The following MAML1 variants were observed in gnomAD, a reference collection of about 807,000 sequenced individuals.
MAML1 encodes mastermind like transcriptional coactivator 1.
MAML1 carries 14 observed loss-of-function variants against 77.1 expected under a neutral mutation model. The observed-to-expected ratio is 0.18, with a 90% CI of 0.12 to 0.28. The LOEUF (loss-of-function observed/expected upper bound fraction) is 0.28, where lower values mean the gene tolerates loss of function less well. MAML1 is among the 10% of genes least tolerant of loss of function. The probability of loss-of-function intolerance (pLI) is 1.00; values close to 1 mark genes in which losing one functional copy is unlikely to be tolerated. For missense variants in MAML1, 1,217 were observed against 1,327.8 expected (o/e 0.92, Z 1.30); for synonymous variants, 516 against 551.9 (o/e 0.93, Z 0.91).
chr5:179,739,009 G>C (rs1779226662), intron 1 of MAML1, among the ~76,000 whole-genome samples: 1 of 151,992 alleles, frequency 6.6e-6, no homozygotes, highest in Non-Finnish European at 1.5e-5. Context: ...CCTCTCTTCT[G>C]ATTTCCTTTT....
chr5:179,758,605 G>T (rs1017861138), intron 1 of MAML1, among the ~76,000 whole-genome samples: 9 of 151,862 alleles, frequency 5.9e-5, no homozygotes, highest in Non-Finnish European at 1.2e-4. Context: ...GCCCAGGCTG[G>T]TCTTGAACTC....
chr5:179,776,395 A>G lies in MAML1; in HGVS notation c.*1518A>G. 1 of 985,750 alleles carries G rather than the reference A, an allele frequency of 1.0e-6. No homozygotes were observed. The highest frequency in any genetic ancestry group is 1.2e-6 in the Non-Finnish European group (1 of 829,918). The allele number at this position is 985,750 out of a possible 1,614,324, so 61.1% of individuals were successfully genotyped here. On this transcript the variant is annotated 3_prime_UTR_variant, in exon 5 of 5. Coordinates refer to ENST00000292599, the MANE Select transcript of MAML1 (RefSeq NM_014757.5). Reference sequence around the variant, plus strand: ...AGAGGTTGTACACACATTGGTAGTTATTTTGCACCAGCAGTGCCTTTCTCA... The same window carrying G: ...AGAGGTTGTACACACATTGGTAGTTGTTTTGCACCAGCAGTGCCTTTCTCA...
chr5:179,770,338 C>CT (rs1460920600), intron 3 of MAML1, among the ~76,000 whole-genome samples: 4 of 152,154 alleles, frequency 2.6e-5, no homozygotes, highest in Admixed American at 1.3e-4. Context: ...GTCCCAGCTA[C>CT]TCGGGAGGCC....
intron 1 of MAML1, among the ~76,000 whole-genome samples, chr5:179,736,848 C>G (rs537125621): frequency 6.6e-6 from 1 of 151,826 alleles, no homozygotes; most frequent in East Asian, 1.9e-4. Flanking sequence ...GTGGTCCCAG[C>G]TACACGGGAG....
chr5:179,747,549 G>C (rs988892432), intron 1 of MAML1, among the ~76,000 whole-genome samples: 4 of 152,218 alleles, frequency 2.6e-5, no homozygotes, highest in African/African-American at 9.6e-5. Flanking sequence ...GGTGGCTCAT[G>C]CCTGTAATCC....
intron 1 of MAML1, among the ~76,000 whole-genome samples, chr5:179,748,577 GAAT>G (rs1779426785): frequency 6.6e-6 from 1 of 152,138 alleles, no homozygotes; most frequent in Admixed American, 6.6e-5. Flanking sequence ...TCCGACATCC[GAAT>G]AATAGGAATT....
intron 1 of MAML1, among the ~76,000 whole-genome samples, chr5:179,740,322 G>C (rs1482672799): frequency 6.6e-6 from 1 of 152,188 alleles, no homozygotes; most frequent in Non-Finnish European, 1.5e-5. Context: ...CCAGTCTGGA[G>C]TGCAGGGGCG....
intron 1 of MAML1, among the ~76,000 whole-genome samples, chr5:179,750,086 C>T (rs1779457529): frequency 6.6e-6 from 1 of 152,250 alleles, no homozygotes; most frequent in Non-Finnish European, 1.5e-5. Context: ...GCTGCCCTCT[C>T]CTTGCACTGC....
chr5:179,753,664 T>A (rs1248118386), intron 1 of MAML1, among the ~76,000 whole-genome samples: 2,272 of 138,512 alleles, frequency 0.016, 61 homozygotes, highest in African/African-American at 0.049. Context: ...ATTTTTTTTT[T>A]TTTTTTTTTT....
At chr5:179,767,234 T>C (rs1228599795) in intron 2 of MAML1, among the ~76,000 whole-genome samples, 1 of 152,104 alleles carries the variant, frequency 6.6e-6, no homozygotes, top group Non-Finnish European at 1.5e-5. Context: ...ATCATGGTTC[T>C]AAAGCCCGGT....
At chr5:179,753,648 A>ATT (rs1463291620) in intron 1 of MAML1, among the ~76,000 whole-genome samples, 742 of 37,800 alleles carry the variant, frequency 0.02, 1 homozygote, top group Non-Finnish European at 0.029. Context: ...TTTTATTATT[A>ATT]TTATTATTTT....
chr5:179,738,709 T>G (rs974654666), intron 1 of MAML1, among the ~76,000 whole-genome samples: 5 of 152,230 alleles, frequency 3.3e-5, no homozygotes, highest in Admixed American at 3.3e-4. Flanking sequence ...GTAATATGCC[T>G]TCTACCTCTT....
chr5:179,773,792 C>G (rs1348651384), intron 4 of MAML1, 103 bp from the exon 5 acceptor site: 9 of 1,510,782 alleles, frequency 6.0e-6, no homozygotes, highest in Non-Finnish European at 7.9e-6. Context: ...GGGCCCTCTT[C>G]CCAGTGTGCC....
chr5:179,733,407 G>A lies in MAML1; in HGVS notation c.295G>A (p.Glu99Lys), dbSNP rs770524065. Reference sequence around the variant, plus strand: ...GCGCCTGGACGCCGCTGACGGCCCCGAGCACGGCCGCCCGGCCACGGTGAG... The same window carrying A: ...GCGCCTGGACGCCGCTGACGGCCCCAAGCACGGCCGCCCGGCCACGGTGAG... Reference protein sequence around the residue: ...APRLDAADGPEHGRPATHLHD... With the variant: ...APRLDAADGPKHGRPATHLHD... The change falls in exon 1 of 5, where the codon GAG (glutamate) becomes AAG (lysine). Residue 99 changes from glutamate to lysine, a missense_variant. Transcript: ENST00000292599. The A allele has an allele frequency of 3.6e-6, 4 of 1,119,134 alleles. No homozygotes were observed. In the East Asian group the frequency reaches 2.1e-4, roughly 60 times the overall value. 69.3% of individuals were successfully genotyped at this position (1,119,134 alleles called of 1,614,324 possible).
chr5:179,762,844 A>C (rs952524896), intron 1 of MAML1, among the ~76,000 whole-genome samples: 1 of 152,192 alleles, frequency 6.6e-6, no homozygotes, highest in Non-Finnish European at 1.5e-5. Flanking sequence ...ATCCCCGTCT[A>C]CGTTATTCCA....
At position 179,737,817 on chromosome 5, in the gene MAML1, C is replaced by CT. The variant is rs542560281; in HGVS notation, c.315+4396dup. 3.4e-3 allele frequency among the ~76,000 whole-genome samples: 519 copies of CT among 152,202 alleles called. 4 individuals carry two copies. The highest frequency in any genetic ancestry group is 0.012 in the African/African-American group (487 of 41,492). Reference sequence around the variant, plus strand: ...GTCTATTAGGTTTTCATTTCTTTTCCTTTTTTCTTGAAACAGGGTCTGGCT... The same window carrying CT: ...GTCTATTAGGTTTTCATTTCTTTTCCTTTTTTTCTTGAAACAGGGTCTGGCT... On this transcript the variant is annotated intron_variant, in intron 1 of 4. Transcript: ENST00000292599.
chr5:179,773,803 G>T, intron 4 of MAML1, 92 bp from the exon 5 acceptor site: 7 of 1,520,154 alleles, frequency 4.6e-6, no homozygotes, highest in Non-Finnish European at 4.4e-6. Flanking sequence ...CCAGTGTGCC[G>T]TGAACGTGAG....
chr5:179,766,143 C>T lies in MAML1; in HGVS notation c.1133C>T (p.Ala378Val), dbSNP rs1441353970. 6.4e-7 allele frequency: 1 copy of T among 1,574,728 alleles called. No individual in the cohort carries two copies. The highest frequency in any genetic ancestry group is 8.6e-7 in the Non-Finnish European group (1 of 1,161,852). The change falls in exon 2 of 5, where the codon GCA becomes GTA. Residue 378 changes from alanine to valine, a missense_variant. By Grantham distance (64) the Ala-to-Val change is moderately conservative. Transcript: ENST00000292599. The surrounding 1 kb of genome is among the most constrained non-coding windows in gnomAD (Gnocchi z 4.0). Reference sequence around the variant, plus strand: ...GCCCAGAACGCACAAAGAGCCCTTGCAGGTGTGGTATTGCCCAGTCAGGGC... The same window carrying T: ...GCCCAGAACGCACAAAGAGCCCTTGTAGGTGTGGTATTGCCCAGTCAGGGC... ...AQAQNAQRAL[A>V]GVVLPSQGPG...
intron 1 of MAML1, among the ~76,000 whole-genome samples, chr5:179,749,208 A>C (rs529081268): frequency 4.0e-5 from 6 of 151,694 alleles, no homozygotes; most frequent in African/African-American, 1.2e-4. Context: ...GCTCACTGCA[A>C]CCTCCGCCTC....
Sources: allele counts gnomAD v4.1 joint callset (sites outside exome capture counted in the v4.1 genomes callset), GRCh38; gene constraint gnomAD v4.1.1; non-coding constraint Gnocchi (gnomAD v3.1); transcripts MANE v1.5; gene names NCBI Gene and HGNC (gene_info 2026-07-23, HGNC 2026-07-21).